LHPP: variants seen among roughly 807,000 people sequenced by gnomAD.
The protein encoded by LHPP is hLHPP.
Under a neutral mutation model 30.3 loss-of-function variants are expected in LHPP, and 24 were observed. That is an observed-to-expected ratio of 0.79 (90% CI 0.57 to 1.11). LHPP has a LOEUF of 1.11. LHPP is among the 50% of genes most tolerant of loss of function. The pLI is 0.00. For synonymous variants in LHPP, 150 were observed against 157.1 expected (o/e 0.95, Z 0.34); for missense variants, 356 against 367.2 (o/e 0.97, Z 0.25).
intron 6 of LHPP, among the ~76,000 whole-genome samples, chr10:124,607,132 C>CAGA (rs1321225586): frequency 6.6e-6 from 1 of 152,206 alleles, no homozygotes; most frequent in Non-Finnish European, 1.5e-5. Flanking sequence ...CCTCCTGCTT[C>CAGA]ACCCTCTCCG....
intron 6 of LHPP, among the ~76,000 whole-genome samples, chr10:124,594,508 A>G (rs1007951266): frequency 2.6e-5 from 4 of 152,134 alleles, no homozygotes; most frequent in African/African-American, 7.2e-5. Flanking sequence ...TCATAGCTGC[A>G]TAATATTTTA....
intron 6 of LHPP, chr10:124,605,056 A>C (rs762322278): frequency 6.6e-6 from 1 of 152,574 alleles, no homozygotes; most frequent in Non-Finnish European, 1.5e-5. Context: ...AGGAGGCGGC[A>C]GGGAGACTGG....
intron 6 of LHPP, among the ~76,000 whole-genome samples, chr10:124,601,105 G>A (rs1949014753): frequency 6.6e-6 from 1 of 152,202 alleles, no homozygotes; most frequent in African/African-American, 2.4e-5. Flanking sequence ...GGCCCAGGGA[G>A]CTAAAGCTTT....
chr10:124,535,126 GGTT>G (rs1954991885), intron 6 of LHPP, among the ~76,000 whole-genome samples: 1 of 152,196 alleles, frequency 6.6e-6, no homozygotes, highest in African/African-American at 2.4e-5. Flanking sequence ...TTCTTCCTAA[GGTT>G]GTTGGGAAAA....
At chr10:124,588,633 T>C (rs748696005) in intron 6 of LHPP, among the ~76,000 whole-genome samples, 2 of 152,158 alleles carry the variant, frequency 1.3e-5, no homozygotes, top group Admixed American at 6.5e-5. Context: ...AAAATATCCA[T>C]ATTGATGGAT....
intron 3 of LHPP, among the ~76,000 whole-genome samples, chr10:124,491,817 C>T (rs1300942572): frequency 1.3e-5 from 2 of 152,072 alleles, no homozygotes; most frequent in Non-Finnish European, 2.9e-5. Flanking sequence ...CCCAGCTACT[C>T]GGGAGGCTGA....
chr10:124,596,646 C>T lies in LHPP; in HGVS notation c.717-16618C>T, dbSNP rs1014675377. ...GCCCTAAACGTGGGACCCTAAACAA[C>T]ACCCAGGGAGGAGCAGCCTGGCCTA... On this transcript the variant is annotated intron_variant, in intron 6 of 6. Transcript: ENST00000368842. The surrounding 1 kb of genome is among the most constrained non-coding windows in gnomAD (Gnocchi z 4.6). Among the ~76,000 whole-genome samples, 1 of 152,220 alleles carries T rather than the reference C, an allele frequency of 6.6e-6. No homozygotes were observed. Among genetic ancestry groups the T allele is most frequent in the African/African-American group, 2.4e-5 (1 of 41,454 alleles).
At chr10:124,497,137 G>A (rs539219125) in intron 4 of LHPP, 113 bp downstream of exon 4, 4 of 898,940 alleles carry the variant, frequency 4.4e-6, no homozygotes, top group Non-Finnish European at 7.0e-6. Context: ...GGCCTTTTGG[G>A]CTTCCACAAA....
chr10:124,594,017 G>C (rs1317029073), intron 6 of LHPP, among the ~76,000 whole-genome samples: 1 of 152,210 alleles, frequency 6.6e-6, no homozygotes, highest in Non-Finnish European at 1.5e-5. Context: ...GACCAAACTA[G>C]AGACTGTTAT....
At chr10:124,464,878 A>G (rs1357722989) in intron 1 of LHPP, among the ~76,000 whole-genome samples, 2 of 152,198 alleles carry the variant, frequency 1.3e-5, no homozygotes, top group African/African-American at 2.4e-5. Context: ...CATGAGTACA[A>G]GGTCATTCCT....
intron 6 of LHPP, among the ~76,000 whole-genome samples, chr10:124,519,067 C>T (rs1046448280): frequency 6.6e-6 from 1 of 152,208 alleles, no homozygotes; most frequent in East Asian, 1.9e-4. Flanking sequence ...CCTGCCTCAG[C>T]CTCCCGAGTA....
At chr10:124,516,097 C>G (rs1304012742) in intron 5 of LHPP, among the ~76,000 whole-genome samples, 1 of 152,252 alleles carries the variant, frequency 6.6e-6, no homozygotes, top group East Asian at 1.9e-4. Flanking sequence ...CCCAGTCTGT[C>G]ATACAAAACA....
At chr10:124,468,355 G>T (rs538326019) in intron 1 of LHPP, among the ~76,000 whole-genome samples, 2 of 152,140 alleles carry the variant, frequency 1.3e-5, no homozygotes, top group East Asian at 3.8e-4. Flanking sequence ...TAACAATCCC[G>T]AAATACACCA....
At chr10:124,467,713 G>A (rs995102310) in intron 1 of LHPP, among the ~76,000 whole-genome samples, 1 of 148,938 alleles carries the variant, frequency 6.7e-6, no homozygotes, top group Non-Finnish European at 1.5e-5. Context: ...TGTGTTTTTT[G>A]TTGTTGTTGT....
chr10:124,498,184 T>TCAG, intron 5 of LHPP, 56 bp downstream of exon 5: 49 of 1,339,040 alleles, frequency 3.7e-5, no homozygotes, highest in Non-Finnish European at 4.0e-5. Context: ...AGGGAGGCCC[T>TCAG]GGAGCTTGGA....
intron 6 of LHPP, among the ~76,000 whole-genome samples, chr10:124,551,224 G>C (rs1034861098): frequency 5.3e-5 from 8 of 152,162 alleles, no homozygotes; most frequent in Non-Finnish European, 1.0e-4. Context: ...CAGCTGGGCT[G>C]ATGAGCAACT....
intron 6 of LHPP, among the ~76,000 whole-genome samples, chr10:124,543,133 C>T (rs575372729): frequency 2.6e-5 from 4 of 152,300 alleles, no homozygotes; most frequent in South Asian, 4.1e-4. Flanking sequence ...GGGCCTTGTC[C>T]GAGGGTTGAC....
At chr10:124,581,429 T>C (rs1948740795) in intron 6 of LHPP, among the ~76,000 whole-genome samples, 1 of 152,222 alleles carries the variant, frequency 6.6e-6, no homozygotes, top group Non-Finnish European at 1.5e-5. Flanking sequence ...AGGAGTGGAA[T>C]TGCTGGGTCA....
At chr10:124,521,377 C>T (rs561181334) in intron 6 of LHPP, among the ~76,000 whole-genome samples, 86 of 152,376 alleles carry the variant, frequency 5.6e-4, no homozygotes, top group African/African-American at 2.0e-3. Context: ...CGGCCCCATT[C>T]TGCACAGCGG....
Sources: allele counts gnomAD v4.1 joint callset (sites outside exome capture counted in the v4.1 genomes callset), GRCh38; gene constraint gnomAD v4.1.1; non-coding constraint Gnocchi (gnomAD v3.1); transcripts MANE v1.5; gene names NCBI Gene and HGNC (gene_info 2026-07-23, HGNC 2026-07-21).